NKAIN3: variants seen among roughly 807,000 people sequenced by gnomAD.
NKAIN3 encodes sodium/potassium-transporting ATPase subunit beta-1-interacting protein 3.
NKAIN3 carries 25 observed loss-of-function variants against 30.2 expected under a neutral mutation model. The observed-to-expected ratio is 0.83, with a 90% CI of 0.60 to 1.16. NKAIN3 has a LOEUF of 1.16. Ranked by LOEUF, NKAIN3 falls within the 50% of genes most tolerant of loss-of-function variation. The pLI is 0.00. For missense variants in NKAIN3, 225 were observed against 254.1 expected (o/e 0.89, Z 0.78); for synonymous variants, 91 against 89.6 (o/e 1.02, Z -0.09).
intron 1 of NKAIN3, among the ~76,000 whole-genome samples, chr8:62,438,462 C>G (rs1354628428): frequency 2.0e-5 from 3 of 152,168 alleles, no homozygotes; most frequent in African/African-American, 7.2e-5. Context: ...GTGAGTGCAT[C>G]TGTCACCTGG....
At chr8:62,332,609 G>A (rs1022535742) in intron 1 of NKAIN3, among the ~76,000 whole-genome samples, 1 of 152,066 alleles carries the variant, frequency 6.6e-6, no homozygotes, top group Non-Finnish European at 1.5e-5. Context: ...AGAAGGTTAG[G>A]TTGCTTAACT....
chr8:62,274,850 G>A (rs1323837425), intron 1 of NKAIN3, among the ~76,000 whole-genome samples: 1 of 151,328 alleles, frequency 6.6e-6, no homozygotes, highest in East Asian at 2.0e-4. Context: ...GCAGTGTTTG[G>A]TTTTTTGTCC....
intron 1 of NKAIN3, among the ~76,000 whole-genome samples, chr8:62,350,857 T>C (rs1361205138): frequency 6.6e-6 from 1 of 151,624 alleles, no homozygotes; most frequent in Non-Finnish European, 1.5e-5. Flanking sequence ...GCCCGGCTAA[T>C]TTTTATATTT....
At chr8:62,310,821 G>GAGGAGGCTGA in intron 1 of NKAIN3, among the ~76,000 whole-genome samples, 1 of 150,486 alleles carries the variant, frequency 6.6e-6, no homozygotes, top group South Asian at 2.1e-4. Context: ...CTCCTCTGCT[G>GAGGAGGCTGA]CAGATTCTGC....
chr8:62,361,276 G>T (rs1816551930), intron 1 of NKAIN3, among the ~76,000 whole-genome samples: 1 of 152,214 alleles, frequency 6.6e-6, no homozygotes, highest in Non-Finnish European at 1.5e-5. Context: ...ATTTCTATAT[G>T]ACCTGATCTT....
At chr8:62,945,286 T>C (rs1823090091) in intron 5 of NKAIN3, among the ~76,000 whole-genome samples, 1 of 152,218 alleles carries the variant, frequency 6.6e-6, no homozygotes, top group African/African-American at 2.4e-5. Context: ...CTGAGATATG[T>C]GCCCAAAAAT....
In NKAIN3 at chr8:62,696,322, G is replaced by A. The variant is rs73264896; in HGVS notation, c.274-50610G>A. 7.8e-3 allele frequency among the ~76,000 whole-genome samples: 1,189 copies of A among 152,256 alleles called. 13 individuals carry two copies. The highest frequency in any genetic ancestry group is 0.027 in the African/African-American group (1,140 of 41,544). On this transcript the variant is annotated intron_variant, in intron 3 of 6. Transcript: ENST00000623646. ...ATTAAAAGATTTTGGTGAATTGGGAGTGTTTTTTCCCCAGACTCAGAATTA... is the reference window on the plus strand; with the variant it reads ...ATTAAAAGATTTTGGTGAATTGGGAATGTTTTTTCCCCAGACTCAGAATTA...
intron 1 of NKAIN3, among the ~76,000 whole-genome samples, chr8:62,301,933 A>C (rs749450594): frequency 1.8e-4 from 27 of 152,062 alleles, no homozygotes; most frequent in Non-Finnish European, 3.7e-4. Flanking sequence ...GCCTTACTCC[A>C]TGCTATCTTA....
chr8:62,599,211 C>T (rs1221634230), intron 3 of NKAIN3, among the ~76,000 whole-genome samples: 1 of 152,030 alleles, frequency 6.6e-6, no homozygotes, highest in Admixed American at 6.6e-5. Context: ...TGCCAGCCTG[C>T]CCTGCAGCAG....
intron 4 of NKAIN3, among the ~76,000 whole-genome samples, chr8:62,790,006 T>TA (rs894109697): frequency 1.1e-4 from 17 of 151,702 alleles, no homozygotes; most frequent in Non-Finnish European, 2.1e-4. Flanking sequence ...AGAGACACAA[T>TA]AAAAAAAGAG....
chr8:62,913,813 C>A (rs763851688), intron 4 of NKAIN3, among the ~76,000 whole-genome samples: 4 of 152,054 alleles, frequency 2.6e-5, no homozygotes, highest in Non-Finnish European at 5.9e-5. Flanking sequence ...AAAGACAATA[C>A]CCCCAGAATT....
In NKAIN3 at chr8:62,850,836, T is replaced by C. The variant is rs371460757; in HGVS notation, c.472-67617T>C. On this transcript the variant is annotated intron_variant, in intron 4 of 6. Transcript: ENST00000623646. ...CTATATCTCTGTTTTGGTACCAGTA[T>C]CATGCTGTTTTGGTTACTGTAGCCT... 2.2e-4 allele frequency among the ~76,000 whole-genome samples: 34 copies of C among 152,144 alleles called. No individual in the cohort carries two copies. The East Asian group carries it at 4.6e-3, about 21-fold the overall frequency.
chr8:62,676,128 C>T (rs779470403), intron 3 of NKAIN3, among the ~76,000 whole-genome samples: 16 of 152,174 alleles, frequency 1.1e-4, no homozygotes, highest in Admixed American at 2.0e-4. Context: ...AGCTAGGTAA[C>T]ATTGATCCTC....
intron 1 of NKAIN3, among the ~76,000 whole-genome samples, chr8:62,539,112 C>T (rs1426025742): frequency 6.6e-6 from 1 of 152,190 alleles, no homozygotes; most frequent in Non-Finnish European, 1.5e-5. Flanking sequence ...CTACCAACTC[C>T]TGTGTCTGTG....
downstream of NKAIN3, among the ~76,000 whole-genome samples, chr8:62,985,794 C>A (rs148359784): frequency 2.4e-3 from 365 of 151,212 alleles, 1 homozygote; most frequent in African/African-American, 8.5e-3. Flanking sequence ...TTTATGGGAA[C>A]TTTCTGTATT....
At position 62,981,702 on chromosome 8, in the gene NKAIN3, A is replaced by C. The variant is rs1824083035; in HGVS notation, c.*16295A>C. 2 of 151,822 alleles carry C rather than the reference A, an allele frequency of 1.3e-5. No individual in the cohort carries two copies. The highest frequency in any genetic ancestry group is 2.4e-5 in the African/African-American group (1 of 41,314). The allele number at this position is 151,822 out of a possible 1,614,324, so 9.4% of individuals were successfully genotyped here. A position where few individuals can be genotyped will look rare whatever the true frequency, so the allele number is the denominator to read the frequency against. On this transcript the variant is annotated 3_prime_UTR_variant, in exon 7 of 7. Coordinates refer to ENST00000623646, the MANE Select transcript of NKAIN3 (RefSeq NM_001304533.3). ...TCTGAGACTTCCTAAATGTGACAAG[A>C]ACTCTGCTGTGTGGCAACCTTATGT...
At chr8:62,364,595 C>A (rs577044339) in intron 1 of NKAIN3, among the ~76,000 whole-genome samples, 2 of 152,070 alleles carry the variant, frequency 1.3e-5, no homozygotes, top group Admixed American at 1.3e-4. Flanking sequence ...GTAATCCCAG[C>A]ACTTTGGGAG....
At chr8:62,786,225 G>A (rs1170051576) in intron 4 of NKAIN3, among the ~76,000 whole-genome samples, 1 of 151,868 alleles carries the variant, frequency 6.6e-6, no homozygotes, top group African/African-American at 2.4e-5. Context: ...CTAGACATGT[G>A]GAATCATAAT....
intron 4 of NKAIN3, among the ~76,000 whole-genome samples, chr8:62,864,516 T>C (rs1179802363): frequency 6.6e-6 from 1 of 152,132 alleles, no homozygotes; most frequent in Non-Finnish European, 1.5e-5. Flanking sequence ...ATGCAGAAAG[T>C]GATTACACAT....
Sources: allele counts gnomAD v4.1 joint callset (sites outside exome capture counted in the v4.1 genomes callset), GRCh38; gene constraint gnomAD v4.1.1; transcripts MANE v1.5; gene names NCBI Gene and HGNC (gene_info 2026-07-23, HGNC 2026-07-21).